The following GALNTL6 variants were observed in gnomAD, a reference collection of about 807,000 sequenced individuals.
GALNTL6 encodes polypeptide N-acetylgalactosaminyltransferase like 6.
GALNTL6 carries 46 observed loss-of-function variants against 73.7 expected under a neutral mutation model. That is an observed-to-expected ratio of 0.62 (90% CI 0.49 to 0.80). The LOEUF is 0.80. Among genes scored for constraint, GALNTL6 ranks in the 30% least tolerant of loss-of-function variants. The pLI is 0.00. For missense variants in GALNTL6, 604 were observed against 755.0 expected (o/e 0.80, Z 2.34); for synonymous variants, 259 against 263.7 (o/e 0.98, Z 0.17).
chr4:172,251,036 T>A (rs1737848325), intron 3 of GALNTL6, among the ~76,000 whole-genome samples: 1 of 150,846 alleles, frequency 6.6e-6, no homozygotes, highest in African/African-American at 2.5e-5. Flanking sequence ...TAGTCAGGGT[T>A]GTCCAAAAAA....
chr4:172,453,733 A>C (rs1282575907), intron 5 of GALNTL6, among the ~76,000 whole-genome samples: 2 of 152,234 alleles, frequency 1.3e-5, no homozygotes, highest in African/African-American at 4.8e-5. Flanking sequence ...AGGACTTAAT[A>C]AAATGTTTTA....
Position 172,176,007 on chromosome 4 carries a change from CAATT to C in GALNTL6, c.139-53645_139-53642del, listed in dbSNP as rs199567647. On this transcript the variant is annotated intron_variant, in intron 2 of 12. Coordinates refer to ENST00000506823, the MANE Select transcript of GALNTL6 (RefSeq NM_001034845.3). ...AAAATAGCAACTATGAAACTCAAAT[CAATT>C]AATAGAGTGCACAGCCTACTCCAAA... 2.0e-5 allele frequency among the ~76,000 whole-genome samples: 3 copies of C among 152,102 alleles called. No homozygotes were observed. In the East Asian group the frequency reaches 5.8e-4, roughly 29 times the overall value.
chr4:172,241,588 A>G (rs555832205), intron 3 of GALNTL6, among the ~76,000 whole-genome samples: 1 of 152,322 alleles, frequency 6.6e-6, no homozygotes, highest in Admixed American at 6.5e-5. Flanking sequence ...TGGCCAAACC[A>G]ATGTATTGGT....
chr4:172,107,124 C>T (rs943026022), intron 2 of GALNTL6, among the ~76,000 whole-genome samples: 8 of 152,142 alleles, frequency 5.3e-5, no homozygotes, highest in African/African-American at 7.2e-5. Context: ...CTGCCCGCCT[C>T]GGCCTCCCAA....
chr4:172,478,044 A>G (rs1044299429), intron 5 of GALNTL6, among the ~76,000 whole-genome samples: 1 of 152,204 alleles, frequency 6.6e-6, no homozygotes, highest in Non-Finnish European at 1.5e-5. Flanking sequence ...TGTGGAGTTC[A>G]TTCCAAAAGA....
At chr4:172,472,998 A>G (rs1260387934) in intron 5 of GALNTL6, among the ~76,000 whole-genome samples, 2 of 152,206 alleles carry the variant, frequency 1.3e-5, no homozygotes, top group Non-Finnish European at 2.9e-5. Context: ...ATTGATGTGG[A>G]TGAATAAATT....
intron 5 of GALNTL6, among the ~76,000 whole-genome samples, chr4:172,761,185 CA>C (rs1738063654): frequency 6.6e-6 from 1 of 152,124 alleles, no homozygotes; most frequent in Non-Finnish European, 1.5e-5. Flanking sequence ...TTAGGTGGTA[CA>C]AGTTGCAGAA....
intron 9 of GALNTL6, among the ~76,000 whole-genome samples, chr4:172,941,431 T>C (rs1032550880): frequency 6.6e-6 from 1 of 152,248 alleles, no homozygotes; most frequent in Non-Finnish European, 1.5e-5. Context: ...CCACTTCCTA[T>C]GGGATCTTTT....
At chr4:172,497,395 A>T (rs931536447) in intron 5 of GALNTL6, among the ~76,000 whole-genome samples, 11 of 152,318 alleles carry the variant, frequency 7.2e-5, no homozygotes, top group African/African-American at 2.4e-4. Context: ...CATCAAAATT[A>T]CCTGATGATT....
chr4:173,035,460 G>A (rs1753658040), intron 12 of GALNTL6, among the ~76,000 whole-genome samples: 1 of 152,226 alleles, frequency 6.6e-6, no homozygotes. Context: ...TTACAGGCAT[G>A]AGCCACCGCG....
chr4:172,183,079 A>T (rs1233529843), intron 2 of GALNTL6, among the ~76,000 whole-genome samples: 1 of 152,214 alleles, frequency 6.6e-6, no homozygotes, highest in East Asian at 1.9e-4. Context: ...ATGTTGGGAC[A>T]TATTTAGTAC....
chr4:171,818,960 C>T (rs181175723), intron 2 of GALNTL6, among the ~76,000 whole-genome samples: 39 of 151,998 alleles, frequency 2.6e-4, no homozygotes, highest in Admixed American at 7.2e-4. Flanking sequence ...AAGAAAATAT[C>T]AGATAATTGG....
intron 3 of GALNTL6, among the ~76,000 whole-genome samples, chr4:172,260,217 C>G (rs1398827190): frequency 6.6e-6 from 1 of 151,792 alleles, no homozygotes; most frequent in Non-Finnish European, 1.5e-5. Flanking sequence ...TTGATTCTAT[C>G]CATCCATGAG....
At chr4:171,976,540 T>C (rs1427119770) in intron 2 of GALNTL6, among the ~76,000 whole-genome samples, 4 of 152,216 alleles carry the variant, frequency 2.6e-5, no homozygotes, top group Admixed American at 6.5e-5. Context: ...ATACTTCTAA[T>C]GAGCTGAGAG....
At chr4:172,586,933 A>C (rs758950934) in intron 5 of GALNTL6, among the ~76,000 whole-genome samples, 1 of 152,216 alleles carries the variant, frequency 6.6e-6, no homozygotes, top group African/African-American at 2.4e-5. Context: ...CAGACTTCAC[A>C]GCAACTTGTG....
chr4:171,936,650 T>G lies in GALNTL6; in HGVS notation c.138+121932T>G, dbSNP rs552499263. Reference sequence around the variant, plus strand: ...AAGGGCTATTATAATCTAAACTTGTTGGAAACCAAGACAAATTATGTAAAA... The same window carrying G: ...AAGGGCTATTATAATCTAAACTTGTGGGAAACCAAGACAAATTATGTAAAA... On this transcript the variant is annotated intron_variant, in intron 2 of 12. Coordinates refer to ENST00000506823, the MANE Select transcript of GALNTL6 (RefSeq NM_001034845.3). Among the ~76,000 whole-genome samples the G allele has an allele frequency of 2.2e-4, 33 of 152,246 alleles. 1 individual carries two copies. In the South Asian group the frequency reaches 6.6e-3, roughly 31 times the overall value.
chr4:172,218,036 G>A (rs1015324997), intron 2 of GALNTL6, among the ~76,000 whole-genome samples: 1 of 151,920 alleles, frequency 6.6e-6, no homozygotes, highest in Non-Finnish European at 1.5e-5. Context: ...TTTTTATACT[G>A]TAACCCTATT....
intron 5 of GALNTL6, among the ~76,000 whole-genome samples, chr4:172,665,589 C>G (rs1560866480): frequency 6.6e-6 from 1 of 152,178 alleles, no homozygotes; most frequent in Non-Finnish European, 1.5e-5. Context: ...AATATTTTCA[C>G]TTTGTTTCAT....
At chr4:171,890,251 A>G (rs186102431) in intron 2 of GALNTL6, among the ~76,000 whole-genome samples, 1 of 152,270 alleles carries the variant, frequency 6.6e-6, no homozygotes, top group Admixed American at 6.5e-5. Flanking sequence ...TGGTTTTTAT[A>G]AAACCATATA....
Sources: gnomAD v4.1 joint callset for allele counts (sites outside exome capture counted in the v4.1 genomes callset) on GRCh38, gnomAD v4.1.1 for gene constraint, MANE v1.5 for transcripts, NCBI Gene and HGNC (gene_info 2026-07-23, HGNC 2026-07-21) for gene names.